The following ANAPC10 variants were observed in gnomAD, a reference collection of about 807,000 sequenced individuals.
ANAPC10 encodes the protein anaphase promoting complex subunit 10.
Under a neutral mutation model 22.0 loss-of-function variants are expected in ANAPC10, and 12 were observed. The observed-to-expected ratio is 0.55, with a 90% CI of 0.35 to 0.88. ANAPC10 has a LOEUF of 0.88. Ranked by LOEUF, ANAPC10 falls within the 40% of genes least tolerant of loss-of-function variation. The probability of loss-of-function intolerance (pLI) is 0.01; values close to 1 mark genes in which losing one functional copy is unlikely to be tolerated. For synonymous variants in ANAPC10, 65 were observed against 69.5 expected, an observed-to-expected ratio of 0.94 and a Z score of 0.32; for missense variants, 188 against 220.9, an observed-to-expected ratio of 0.85 and a Z score of 0.94.
intron 3 of ANAPC10, among the ~76,000 whole-genome samples, chr4:145,067,748 T>C (rs1042901015): frequency 6.6e-6 from 1 of 152,224 alleles, no homozygotes; most frequent in African/African-American, 2.4e-5. Flanking sequence ...GAAATTCTGA[T>C]TGAAGACATT....
intron 4 of ANAPC10, among the ~76,000 whole-genome samples, chr4:145,008,702 G>A (rs1228058940): frequency 1.3e-5 from 2 of 152,114 alleles, no homozygotes; most frequent in Admixed American, 1.3e-4. Flanking sequence ...AATAATAAGA[G>A]CTATTTATGA....
chr4:145,073,373 A>AT (rs1409919575), intron 3 of ANAPC10, among the ~76,000 whole-genome samples: 1 of 152,212 alleles, frequency 6.6e-6, no homozygotes, highest in Non-Finnish European at 1.5e-5. Flanking sequence ...GTTACCTGAT[A>AT]TTTTTTAAAA....
Position 145,081,742 on chromosome 4 carries a change from C to A in ANAPC10, c.124G>T (p.Val42Leu). 6.2e-7 allele frequency: 1 copy of A among 1,611,662 alleles called. No homozygotes were observed. Reference sequence around the variant, plus strand: ...AGATTGTCATCTCGTAACTGATCCACTCCAAATCCTAAAAACACCAAAAGT... The same window carrying A: ...AGATTGTCATCTCGTAACTGATCCAATCCAAATCCTAAAAACACCAAAAGT... ...SLSSCKPGFG[V>L]DQLRDDNLET... Residue 42 changes from valine (V) to leucine (L), a missense_variant, in exon 3 of 5, where the codon GTG (valine) becomes TTG (leucine). Coordinates refer to ENST00000507656, the MANE Select transcript of ANAPC10 (RefSeq NM_001256706.2).
At chr4:145,098,479 T>C (rs1055852653), upstream of ANAPC10, 3 of 152,396 alleles carry the variant, frequency 2.0e-5, no homozygotes, top group Non-Finnish European at 4.4e-5. Context: ...TTGGAAAGAA[T>C]GTAGGGACGT....
chr4:145,093,137 G>GCCAAA (rs1747944673), intron 2 of ANAPC10, among the ~76,000 whole-genome samples: 2 of 152,154 alleles, frequency 1.3e-5, no homozygotes, highest in South Asian at 4.1e-4. Flanking sequence ...CATGGCAAGA[G>GCCAAA]GCACCCTCTG....
At chr4:145,003,559 G>T (rs1208397569) in intron 4 of ANAPC10, among the ~76,000 whole-genome samples, 4 of 152,164 alleles carry the variant, frequency 2.6e-5, no homozygotes, top group Admixed American at 6.6e-5. Context: ...TTCTGCCTTT[G>T]GTTAGCCAGG....
chr4:144,997,499 T>C lies in ANAPC10; in HGVS notation c.328-1896A>G, dbSNP rs149432738. Among the ~76,000 whole-genome samples, 928 of 152,104 alleles carry C rather than the reference T, an allele frequency of 6.1e-3. 11 individuals are homozygous for C. The highest frequency in any genetic ancestry group is 0.022 in the African/African-American group (902 of 41,474). On this transcript the variant is annotated intron_variant, in intron 4 of 4. Transcript: ENST00000507656. ...ATCCAGCCAAACTAAGCTTCATAAGTGAAGGAGAAATAAAATACTTTACAG... is the reference window on the plus strand; with the variant it reads ...ATCCAGCCAAACTAAGCTTCATAAGCGAAGGAGAAATAAAATACTTTACAG...
chr4:145,092,031 T>C (rs529491863), intron 2 of ANAPC10, among the ~76,000 whole-genome samples: 31 of 152,254 alleles, frequency 2.0e-4, no homozygotes, highest in African/African-American at 7.2e-4. Flanking sequence ...TTTCAGGAGC[T>C]GGAAGCCATC....
chr4:145,086,479 C>T (rs1746918985), intron 2 of ANAPC10, among the ~76,000 whole-genome samples: 1 of 152,110 alleles, frequency 6.6e-6, no homozygotes, highest in African/African-American at 2.4e-5. Flanking sequence ...GCATCATTAC[C>T]ACCTGGGAAC....
At chr4:145,072,433 T>A (rs886135295) in intron 3 of ANAPC10, among the ~76,000 whole-genome samples, 1 of 152,182 alleles carries the variant, frequency 6.6e-6, no homozygotes, top group Non-Finnish European at 1.5e-5. Flanking sequence ...AGAAAAAACA[T>A]CTAAGGAACC....
chr4:145,024,038 T>G (rs1736316399), intron 4 of ANAPC10, among the ~76,000 whole-genome samples: 1 of 152,202 alleles, frequency 6.6e-6, no homozygotes, highest in South Asian at 2.1e-4. Flanking sequence ...TCACAGCATC[T>G]TTACCAGGAG....
At chr4:145,052,627 C>T (rs1226324408) in intron 4 of ANAPC10, among the ~76,000 whole-genome samples, 5 of 151,920 alleles carry the variant, frequency 3.3e-5, no homozygotes, top group African/African-American at 9.7e-5. Context: ...GGGCTGGGTG[C>T]GGTGGCTCAT....
intron 4 of ANAPC10, among the ~76,000 whole-genome samples, chr4:145,056,369 C>T (rs1473875650): frequency 2.0e-5 from 3 of 152,098 alleles, no homozygotes; most frequent in Non-Finnish European, 2.9e-5. Flanking sequence ...AGGGGAGGCA[C>T]GAATAATCCA....
chr4:145,025,456 ATTG>A (rs1736520615), intron 4 of ANAPC10, among the ~76,000 whole-genome samples: 1 of 151,616 alleles, frequency 6.6e-6, no homozygotes, highest in Non-Finnish European at 1.5e-5. Context: ...TAATTTCAAT[ATTG>A]TTGTGTCTCA....
intron 4 of ANAPC10, among the ~76,000 whole-genome samples, chr4:145,052,778 C>T (rs767966719): frequency 6.6e-6 from 1 of 151,584 alleles, no homozygotes; most frequent in Admixed American, 6.6e-5. Context: ...ATCCCAGCTA[C>T]TCGGGAGGCT....
chr4:145,034,523 T>TTACATATATATA (rs1553968687), intron 4 of ANAPC10, among the ~76,000 whole-genome samples: 1 of 91,914 alleles, frequency 1.1e-5, no homozygotes, highest in Non-Finnish European at 1.9e-5. Context: ...AAACTCTCCT[T>TTACATATATATA]TATATATATA....
intron 4 of ANAPC10, among the ~76,000 whole-genome samples, chr4:145,017,208 T>C (rs1735305162): frequency 6.6e-6 from 1 of 152,124 alleles, no homozygotes; most frequent in African/African-American, 2.4e-5. Context: ...GAGAAAATTT[T>C]TGCAATCTAC....
At chr4:145,041,884 A>C (rs1371908270) in intron 4 of ANAPC10, among the ~76,000 whole-genome samples, 3 of 152,200 alleles carry the variant, frequency 2.0e-5, no homozygotes, top group African/African-American at 7.2e-5. Context: ...TTCAGAGACA[A>C]ACAAACCTGA....
In ANAPC10 at chr4:144,999,811, G is replaced by A. The variant is rs147796980; in HGVS notation, c.328-4208C>T. Among the ~76,000 whole-genome samples the A allele has an allele frequency of 4.6e-3, 693 of 152,176 alleles. 3 individuals are homozygous for A. The highest frequency in any genetic ancestry group is 0.015 in the African/African-American group (628 of 41,490). Reference sequence around the variant, plus strand: ...TACCTCACTTCAAACTATACTACACGGCTACAGTAACCTAAACAGCATGGT... The same window carrying A: ...TACCTCACTTCAAACTATACTACACAGCTACAGTAACCTAAACAGCATGGT... On this transcript the variant is annotated intron_variant, in intron 4 of 4. Coordinates refer to ENST00000507656, the MANE Select transcript of ANAPC10 (RefSeq NM_001256706.2).
Sources: allele counts gnomAD v4.1 joint callset (sites outside exome capture counted in the v4.1 genomes callset), GRCh38; gene constraint gnomAD v4.1.1; transcripts MANE v1.5; gene names NCBI Gene and HGNC (gene_info 2026-07-23, HGNC 2026-07-21).